The following EBF1 variants were observed in gnomAD, a reference collection of about 807,000 sequenced individuals.
EBF1 encodes EBF transcription factor 1, also known as transcription factor COE1.
In EBF1, 10 loss-of-function variants were observed where a neutral mutation model predicts 68.4. That is an observed-to-expected ratio of 0.15 (90% confidence interval 0.09 to 0.25). The LOEUF is 0.25. Among genes scored for constraint, EBF1 ranks in the 10% least tolerant of loss-of-function variants. The probability of loss-of-function intolerance (pLI) is 1.00; values close to 1 mark genes in which losing one functional copy is unlikely to be tolerated. For synonymous variants in EBF1, 298 were observed against 299.8 expected (o/e 0.99, Z 0.06); for missense variants, 509 against 794.4 (o/e 0.64, Z 4.32).
At chr5:158,936,730 C>T (rs975028412) in intron 6 of EBF1, among the ~76,000 whole-genome samples, 2 of 152,186 alleles carry the variant, frequency 1.3e-5, no homozygotes, top group African/African-American at 4.8e-5. Context: ...ATGGGAAACT[C>T]CTTGAGGGCA....
At chr5:158,809,249 C>G (rs1306989836) in intron 8 of EBF1, among the ~76,000 whole-genome samples, 2 of 152,134 alleles carry the variant, frequency 1.3e-5, no homozygotes, top group Non-Finnish European at 2.9e-5. Flanking sequence ...GAGCAGTAGG[C>G]AAACAGACCA....
intron 6 of EBF1, among the ~76,000 whole-genome samples, chr5:158,926,451 C>G (rs1039817676): frequency 6.6e-6 from 1 of 152,034 alleles, no homozygotes; most frequent in Non-Finnish European, 1.5e-5. Context: ...ATTGGCCGGG[C>G]GCAGTGGATC....
chr5:158,834,224 GCT>G (rs1788222586), intron 7 of EBF1, among the ~76,000 whole-genome samples: 1 of 152,096 alleles, frequency 6.6e-6, no homozygotes, highest in Non-Finnish European at 1.5e-5. Context: ...GAATTGTCTG[GCT>G]CCTGTCGGTT....
At chr5:159,087,431 CAT>C (rs147006691) in intron 4 of EBF1, among the ~76,000 whole-genome samples, 10 of 147,512 alleles carry the variant, frequency 6.8e-5, no homozygotes, top group African/African-American at 1.8e-4. Context: ...TATATACACA[CAT>C]ATATATACAT....
intron 11 of EBF1, among the ~76,000 whole-genome samples, chr5:158,714,396 C>T (rs890617675): frequency 1.3e-5 from 2 of 152,068 alleles, no homozygotes; most frequent in African/African-American, 2.4e-5. Flanking sequence ...ATTGGTACTG[C>T]GAGATAAAAT....
chr5:158,818,934 A>AAC (rs370551633), intron 8 of EBF1, among the ~76,000 whole-genome samples: 302 of 89,158 alleles, frequency 3.4e-3, no homozygotes, highest in Admixed American at 8.3e-3. Flanking sequence ...AAACAATAAC[A>AAC]AAAAAAAAAA....
chr5:158,893,945 A>G (rs1420433072), intron 6 of EBF1, among the ~76,000 whole-genome samples: 1 of 152,184 alleles, frequency 6.6e-6, no homozygotes, highest in Admixed American at 6.6e-5. Context: ...GAAATCTTAC[A>G]AAGATTTGGT....
At chr5:158,901,606 T>C (rs1314649722) in intron 6 of EBF1, among the ~76,000 whole-genome samples, 1 of 152,246 alleles carries the variant, frequency 6.6e-6, no homozygotes, top group Non-Finnish European at 1.5e-5. Flanking sequence ...GCATTTTCCA[T>C]AATAATAATT....
intron 6 of EBF1, among the ~76,000 whole-genome samples, chr5:158,920,668 T>A (rs1808221711): frequency 6.6e-6 from 1 of 152,170 alleles, no homozygotes; most frequent in Non-Finnish European, 1.5e-5. Context: ...AGCCTGCAAC[T>A]CCTGGGCTCA....
At position 158,708,018 on chromosome 5, in the gene EBF1, G is replaced by T. The variant is rs1229989670; in HGVS notation, c.1705C>A (p.Pro569Thr). 1 of 1,551,026 alleles carries T rather than the reference G, an allele frequency of 6.4e-7. No homozygotes were observed. Among genetic ancestry groups the T allele is most frequent in the Non-Finnish European group, 8.7e-7 (1 of 1,147,392 alleles). ...APVVRPQTSP[P>T]PTCTSTNGNS... Reference sequence around the variant, plus strand: ...CCGTTGGTGCTGGTGCAGGTGGGAGGTGGGGAGGTCTGGGGTCTGACGACT... The same window carrying T: ...CCGTTGGTGCTGGTGCAGGTGGGAGTTGGGGAGGTCTGGGGTCTGACGACT... Residue 569 changes from proline (P) to threonine (T), a missense_variant, in exon 15 of 16, where the codon CCT becomes ACT. Pro to Thr is a conservative substitution (Grantham distance 38). This residue lies in a region of EBF1 where 205 missense variants were observed against 247.4 expected (regional missense o/e 0.83). Coordinates refer to ENST00000313708, the MANE Select transcript of EBF1 (RefSeq NM_024007.5).
chr5:158,871,781 T>C (rs1176889167), intron 6 of EBF1, among the ~76,000 whole-genome samples: 1 of 152,150 alleles, frequency 6.6e-6, no homozygotes, highest in Non-Finnish European at 1.5e-5. Flanking sequence ...CATTGCAGAG[T>C]TGGGGCCACA....
intron 10 of EBF1, among the ~76,000 whole-genome samples, chr5:158,744,970 G>T (rs1409127258): frequency 6.6e-6 from 1 of 152,110 alleles, no homozygotes; most frequent in Non-Finnish European, 1.5e-5. Flanking sequence ...ATGACTTAAG[G>T]TACCCAGTGA....
At chr5:159,061,361 T>G (rs898452109) in intron 6 of EBF1, among the ~76,000 whole-genome samples, 3 of 151,678 alleles carry the variant, frequency 2.0e-5, no homozygotes, top group African/African-American at 4.9e-5. Flanking sequence ...CATCTATGAC[T>G]GCACACTTTC....
At chr5:158,932,224 G>GA (rs1177339214) in intron 6 of EBF1, among the ~76,000 whole-genome samples, 51 of 152,198 alleles carry the variant, frequency 3.4e-4, no homozygotes, top group African/African-American at 1.2e-3. Context: ...TTATAAAAAT[G>GA]AAAAAATTAA....
chr5:158,924,456 G>C (rs1247904141), intron 6 of EBF1, among the ~76,000 whole-genome samples: 1 of 152,120 alleles, frequency 6.6e-6, no homozygotes, highest in Non-Finnish European at 1.5e-5. Context: ...AGATGCAGAG[G>C]GCAAATCCTT....
chr5:158,954,127 T>C (rs970836168), intron 6 of EBF1, among the ~76,000 whole-genome samples: 1 of 152,210 alleles, frequency 6.6e-6, no homozygotes, highest in South Asian at 2.1e-4. Context: ...TAACCATCAT[T>C]TTCTCAGAGT....
intron 8 of EBF1, among the ~76,000 whole-genome samples, chr5:158,799,282 T>A (rs539869096): frequency 6.6e-5 from 10 of 152,054 alleles, no homozygotes; most frequent in Non-Finnish European, 1.5e-4. Context: ...TTTTAAAAAC[T>A]AGCCAGGTGC....
intron 6 of EBF1, among the ~76,000 whole-genome samples, chr5:158,931,384 G>T (rs561451698): frequency 1.2e-4 from 18 of 152,282 alleles, no homozygotes; most frequent in African/African-American, 3.1e-4. Context: ...AATGAAAATT[G>T]TTTTCCTTCC....
At chr5:158,952,806 T>G (rs1043647461) in intron 6 of EBF1, among the ~76,000 whole-genome samples, 1 of 152,212 alleles carries the variant, frequency 6.6e-6, no homozygotes, top group Non-Finnish European at 1.5e-5. Flanking sequence ...AGATTAGATT[T>G]CCTAAGAATT....
Sources: allele counts gnomAD v4.1 joint callset (sites outside exome capture counted in the v4.1 genomes callset), GRCh38; gene constraint gnomAD v4.1.1; regional missense constraint gnomAD v4.1.1; transcripts MANE v1.5; gene names NCBI Gene and HGNC (gene_info 2026-07-23, HGNC 2026-07-21).